Variants in ABI1 observed in about 807,000 individuals in gnomAD.
ABI1 encodes the protein abl interactor 1, also known as Abelson interactor 1.
A neutral mutation model predicts 54.6 loss-of-function variants in ABI1; 14 were observed. That is an observed-to-expected ratio of 0.26 (90% CI 0.17 to 0.40). ABI1 has a LOEUF of 0.40. Among genes scored for constraint, ABI1 ranks in the 10% least tolerant of loss-of-function variants. The pLI, the probability that ABI1 is intolerant of heterozygous loss-of-function variation, is 1.00. For missense variants in ABI1, 443 were observed against 598.3 expected (o/e 0.74, Z 2.71); for synonymous variants, 194 against 209.3 (o/e 0.93, Z 0.63).
intron 8 of ABI1, among the ~76,000 whole-genome samples, chr10:26,758,144 A>G (rs951136702): frequency 6.6e-5 from 10 of 151,962 alleles, no homozygotes; most frequent in Admixed American, 1.3e-4. Flanking sequence ...TTCATTATAA[A>G]TAAAAAGAAC....
chr10:26,815,661 A>G (rs976323938), intron 2 of ABI1, among the ~76,000 whole-genome samples: 1 of 152,194 alleles, frequency 6.6e-6, no homozygotes, highest in Admixed American at 6.5e-5. Flanking sequence ...TAGTGCCAGC[A>G]CTTTGGAAGG....
At chr10:26,787,128 C>T (rs1842815574) in intron 2 of ABI1, among the ~76,000 whole-genome samples, 1 of 152,164 alleles carries the variant, frequency 6.6e-6, no homozygotes, top group African/African-American at 2.4e-5. Context: ...CATCTCTCAC[C>T]TTGGCTATTG....
chr10:26,823,418 A>G, intron 1 of ABI1, 113 bp from the exon 2 acceptor site: 1 of 878,370 alleles, frequency 1.1e-6, no homozygotes, highest in Non-Finnish European at 1.6e-6. Context: ...ATAAAAAAAA[A>G]CTCACTGTAC....
At chr10:26,805,030 C>T (rs1588929593) in intron 2 of ABI1, among the ~76,000 whole-genome samples, 1 of 152,188 alleles carries the variant, frequency 6.6e-6, no homozygotes, top group African/African-American at 2.4e-5. Flanking sequence ...AGACCTCAGA[C>T]GGTGTTCCTA....
chr10:26,776,202 A>G (rs1343529746), intron 3 of ABI1, among the ~76,000 whole-genome samples: 1 of 152,220 alleles, frequency 6.6e-6, no homozygotes, highest in Non-Finnish European at 1.5e-5. Flanking sequence ...ATAAAGGTCA[A>G]TGCTGTCAGC....
chr10:26,820,447 T>C (rs2477938), intron 2 of ABI1, among the ~76,000 whole-genome samples: 151,516 of 152,226 alleles, frequency 1, 75,408 homozygotes, highest in Middle Eastern at 1. Flanking sequence ...TTGCAAAACC[T>C]GAAAATACTT....
At chr10:26,847,327 A>G (rs1429921118) in intron 1 of ABI1, among the ~76,000 whole-genome samples, 1 of 152,124 alleles carries the variant, frequency 6.6e-6, no homozygotes, top group Non-Finnish European at 1.5e-5. Context: ...CACTATTCAA[A>G]GCAAACTCTG....
In ABI1 at chr10:26,749,381, G is replaced by C. The variant is rs527749944; in HGVS notation, c.1271-636C>G. Among the ~76,000 whole-genome samples, 5 of 152,294 alleles carry C rather than the reference G, an allele frequency of 3.3e-5. No individual in the cohort carries two copies. In the East Asian group the frequency reaches 9.6e-4, roughly 29 times the overall value. ...CTGGGATCAGAACTGCTTTGGATTT[G>C]GGATTTTCAGATTTTGGAATTTTAC... On this transcript the variant is annotated intron_variant, in intron 10 of 10. Coordinates refer to ENST00000376140, the MANE Select transcript of ABI1 (RefSeq NM_001012750.3).
chr10:26,842,728 A>G, intron 1 of ABI1, among the ~76,000 whole-genome samples: 1 of 152,218 alleles, frequency 6.6e-6, no homozygotes, highest in South Asian at 2.1e-4. Flanking sequence ...TAATATACAG[A>G]CCACAGAGTA....
At chr10:26,854,577 G>A (rs1283178927) in intron 1 of ABI1, among the ~76,000 whole-genome samples, 1 of 152,108 alleles carries the variant, frequency 6.6e-6, no homozygotes, top group Non-Finnish European at 1.5e-5. Flanking sequence ...GGTATGGGTC[G>A]ATTTAACAAT....
At chr10:26,771,770 G>A (rs1376138234) in intron 3 of ABI1, among the ~76,000 whole-genome samples, 4 of 152,080 alleles carry the variant, frequency 2.6e-5, no homozygotes, top group Non-Finnish European at 5.9e-5. Flanking sequence ...GAAGTTCTAA[G>A]TAGCTTTAGT....
chr10:26,843,253 G>A (rs1345765212), intron 1 of ABI1, among the ~76,000 whole-genome samples: 3 of 149,992 alleles, frequency 2.0e-5, no homozygotes, highest in African/African-American at 7.4e-5. Context: ...AGGAGTTCAA[G>A]ACCAGCCTGG....
chr10:26,848,579 A>T (rs1298838338), intron 1 of ABI1, among the ~76,000 whole-genome samples: 1 of 150,822 alleles, frequency 6.6e-6, no homozygotes, highest in African/African-American at 2.4e-5. Context: ...CAAAATAATT[A>T]GCACAGTATG....
rs996650492 is a variant in ABI1 at position 26,785,703 on chromosome 10, C to A, written c.286-8462G>T. ...TCAAGCCACTGCACTCTAGCCTGGG[C>A]GACAGAGTCAGACTCTGTCTGGGAA... On this transcript the variant is annotated intron_variant, in intron 2 of 10. Coordinates refer to ENST00000376140, the MANE Select transcript of ABI1 (RefSeq NM_001012750.3). Among the ~76,000 whole-genome samples the A allele has an allele frequency of 4.6e-5, 7 of 150,660 alleles. No homozygotes were observed. In the South Asian group the frequency reaches 1.3e-3, roughly 27 times the overall value.
At chr10:26,811,952 C>T (rs960653261) in intron 2 of ABI1, among the ~76,000 whole-genome samples, 1 of 152,250 alleles carries the variant, frequency 6.6e-6, no homozygotes, top group South Asian at 2.1e-4. Context: ...GGGACAGGCT[C>T]CCTGAGAAGG....
chr10:26,855,211 G>A (rs1201006475), intron 1 of ABI1, among the ~76,000 whole-genome samples: 1 of 152,174 alleles, frequency 6.6e-6, no homozygotes, highest in Non-Finnish European at 1.5e-5. Flanking sequence ...CCATCTTTTG[G>A]TGATATAGGC....
intron 1 of ABI1, among the ~76,000 whole-genome samples, chr10:26,841,556 TG>T (rs2049506197): frequency 1.3e-5 from 2 of 152,236 alleles, no homozygotes; most frequent in African/African-American, 4.8e-5. Context: ...CCTACATACT[TG>T]CTATTTTCTT....
intron 2 of ABI1, among the ~76,000 whole-genome samples, chr10:26,785,590 C>T (rs1842645170): frequency 6.6e-6 from 1 of 152,096 alleles, no homozygotes. Context: ...GGCACGGTGG[C>T]ACATGCCTGT....
At chr10:26,761,370 A>G (rs927933362) in intron 7 of ABI1, among the ~76,000 whole-genome samples, 11 of 151,982 alleles carry the variant, frequency 7.2e-5, no homozygotes, top group Non-Finnish European at 1.2e-4. Context: ...TTCTGAGCCT[A>G]TTTTAGAATT....
Sources: gnomAD v4.1 joint callset for allele counts (sites outside exome capture counted in the v4.1 genomes callset) on GRCh38, gnomAD v4.1.1 for gene constraint, MANE v1.5 for transcripts, NCBI Gene and HGNC (gene_info 2026-07-23, HGNC 2026-07-21) for gene names.